The following CHCHD3 variants were observed in gnomAD, a reference collection of about 807,000 sequenced individuals.
The protein encoded by CHCHD3 is MICOS complex subunit MIC19.
A neutral mutation model predicts 38.2 loss-of-function variants in CHCHD3; 20 were observed. The observed-to-expected ratio is 0.52, with a 90% CI of 0.37 to 0.76. CHCHD3 has a LOEUF of 0.76. Ranked by LOEUF, CHCHD3 falls within the 30% of genes least tolerant of loss-of-function variation. The pLI is 0.00. For synonymous variants in CHCHD3, 82 were observed against 100.0 expected, an observed-to-expected ratio of 0.82 and a Z score of 1.07; for missense variants, 245 against 279.2, an observed-to-expected ratio of 0.88 and a Z score of 0.87.
intron 4 of CHCHD3, among the ~76,000 whole-genome samples, chr7:132,953,959 T>G (rs1010268897): frequency 6.6e-6 from 1 of 152,186 alleles, no homozygotes; most frequent in Non-Finnish European, 1.5e-5. Context: ...TAAAAGAGTT[T>G]GGAAATATGG....
chr7:132,871,099 T>C (rs1808757652), intron 5 of CHCHD3, among the ~76,000 whole-genome samples: 1 of 152,238 alleles, frequency 6.6e-6, no homozygotes. Context: ...CATTTGGCTA[T>C]TTCTAGAGGA....
intron 5 of CHCHD3, among the ~76,000 whole-genome samples, chr7:132,853,873 T>G (rs552125277): frequency 1.1e-3 from 166 of 152,280 alleles, no homozygotes; most frequent in East Asian, 1.7e-3. Flanking sequence ...GTCTCCTGAC[T>G]GGGGAGTAGG....
intron 7 of CHCHD3, among the ~76,000 whole-genome samples, chr7:132,794,832 C>A (rs1806563036): frequency 6.6e-6 from 1 of 152,222 alleles, no homozygotes; most frequent in Non-Finnish European, 1.5e-5. Flanking sequence ...CACAACATTA[C>A]CCCAATTTAC....
chr7:133,012,657 G>A (rs910989292), intron 3 of CHCHD3, among the ~76,000 whole-genome samples: 10 of 151,844 alleles, frequency 6.6e-5, no homozygotes, highest in African/African-American at 1.5e-4. Context: ...CCAGCTACTC[G>A]GGAGGTTAAG....
In CHCHD3 at chr7:132,785,337, C is replaced by A; in HGVS notation, c.*300G>T. The A allele has an allele frequency of 5.3e-6, 2 of 375,096 alleles. No individual in the cohort carries two copies. Among genetic ancestry groups the A allele is most frequent in the South Asian group, 4.0e-5 (1 of 24,944 alleles). 23.2% of individuals were successfully genotyped at this position (375,096 alleles called of 1,614,324 possible). On this transcript the variant is annotated 3_prime_UTR_variant, in exon 8 of 8. Coordinates refer to ENST00000262570, the MANE Select transcript of CHCHD3 (RefSeq NM_017812.4). ...GAAGAGAAACATTTTATGGTCAGTG[C>A]AAGTTGAATAGAAAGTACCAAAAGG...
chr7:132,947,410 GA>G (rs921465879), intron 4 of CHCHD3, among the ~76,000 whole-genome samples: 3 of 150,860 alleles, frequency 2.0e-5, no homozygotes, highest in African/African-American at 7.3e-5. Context: ...TTGGAGTAAA[GA>G]AAAAAAACTC....
chr7:132,856,931 CA>C (rs1808354246), intron 5 of CHCHD3, among the ~76,000 whole-genome samples: 2 of 151,990 alleles, frequency 1.3e-5, no homozygotes, highest in South Asian at 2.1e-4. Context: ...TTCTACAGGG[CA>C]AAAAAATTAA....
At chr7:132,938,328 G>A (rs1251360521) in intron 4 of CHCHD3, among the ~76,000 whole-genome samples, 2 of 152,122 alleles carry the variant, frequency 1.3e-5, no homozygotes, top group Non-Finnish European at 2.9e-5. Context: ...TAAGGCAAAT[G>A]AGAATAAGGA....
chr7:132,937,418 C>T (rs1194041292), intron 4 of CHCHD3, among the ~76,000 whole-genome samples: 3 of 152,080 alleles, frequency 2.0e-5, no homozygotes, highest in Admixed American at 6.5e-5. Context: ...TCACAATTCC[C>T]CTAAGTGCCT....
At chr7:132,822,988 A>G (rs888835520) in intron 6 of CHCHD3, among the ~76,000 whole-genome samples, 6 of 152,198 alleles carry the variant, frequency 3.9e-5, no homozygotes, top group African/African-American at 9.7e-5. Flanking sequence ...ACCCAGGGGG[A>G]TGTATCCATA....
chr7:132,964,377 T>C (rs541453070), intron 4 of CHCHD3, among the ~76,000 whole-genome samples: 1 of 152,176 alleles, frequency 6.6e-6, no homozygotes, highest in Non-Finnish European at 1.5e-5. Context: ...GGTCAGGAGT[T>C]CAAGACTAGC....
intron 4 of CHCHD3, among the ~76,000 whole-genome samples, chr7:132,960,283 G>A (rs973905758): frequency 1.3e-5 from 2 of 152,104 alleles, no homozygotes; most frequent in African/African-American, 4.8e-5. Flanking sequence ...GGAGAAGAGA[G>A]GACGGGGAAA....
chr7:132,857,655 G>A (rs2117126328), intron 5 of CHCHD3, among the ~76,000 whole-genome samples: 1 of 152,252 alleles, frequency 6.6e-6, no homozygotes, highest in East Asian at 1.9e-4. Flanking sequence ...TGATCAGCCT[G>A]CCTTGGCGTC....
intron 6 of CHCHD3, among the ~76,000 whole-genome samples, chr7:132,821,505 ATAAACT>A (rs897832655): frequency 6.6e-6 from 1 of 152,186 alleles, no homozygotes; most frequent in Non-Finnish European, 1.5e-5. Context: ...AGAAGTCCTA[ATAAACT>A]TAAAAAGAAA....
chr7:132,871,996 G>GC (rs1808778012), intron 5 of CHCHD3, among the ~76,000 whole-genome samples: 1 of 152,182 alleles, frequency 6.6e-6, no homozygotes, highest in African/African-American at 2.4e-5. Context: ...CAGAGAGAAC[G>GC]CAAGCATGGA....
intron 6 of CHCHD3, among the ~76,000 whole-genome samples, chr7:132,797,104 C>T (rs1345603539): frequency 6.6e-6 from 1 of 152,172 alleles, no homozygotes; most frequent in African/African-American, 2.4e-5. Flanking sequence ...AAGATGGTCT[C>T]TTTTCCCAGC....
intron 2 of CHCHD3, among the ~76,000 whole-genome samples, chr7:133,046,231 T>C (rs1813978823): frequency 6.6e-6 from 1 of 152,210 alleles, no homozygotes; most frequent in African/African-American, 2.4e-5. Flanking sequence ...ATTCAAGAGA[T>C]CTGTAAACTT....
intron 3 of CHCHD3, among the ~76,000 whole-genome samples, chr7:132,976,200 C>A: frequency 7.3e-6 from 1 of 137,672 alleles, no homozygotes; most frequent in Admixed American, 7.1e-5. Flanking sequence ...TATGACCACG[C>A]CTTTCAACTG....
chr7:132,967,304 T>C (rs28447250), intron 4 of CHCHD3, among the ~76,000 whole-genome samples: 1,642 of 152,270 alleles, frequency 0.011, 35 homozygotes, highest in African/African-American at 0.034. Context: ...TTCTAATCAC[T>C]GTCCAAAAGG....
Sources: gnomAD v4.1 joint callset for allele counts (sites outside exome capture counted in the v4.1 genomes callset) on GRCh38, gnomAD v4.1.1 for gene constraint, MANE v1.5 for transcripts, NCBI Gene and HGNC (gene_info 2026-07-23, HGNC 2026-07-21) for gene names.